The following CDIP1 variants were observed in gnomAD, a reference collection of about 807,000 sequenced individuals.
CDIP1 encodes cell death inducing p53 target 1.
A neutral mutation model predicts 17.7 loss-of-function variants in CDIP1; 9 were observed. The observed-to-expected ratio is 0.51, with a 90% CI of 0.31 to 0.89. The LOEUF is 0.89. CDIP1 is among the 40% of genes least tolerant of loss of function. The pLI is 0.05. For missense variants in CDIP1, 263 were observed against 277.9 expected, an observed-to-expected ratio of 0.95 and a Z score of 0.38; for synonymous variants, 117 against 109.5, an observed-to-expected ratio of 1.07 and a Z score of -0.43.
chr16:4,517,338 T>C (rs1024182092), intron 1 of CDIP1, among the ~76,000 whole-genome samples: 4 of 152,160 alleles, frequency 2.6e-5, no homozygotes, highest in Non-Finnish European at 5.9e-5. Context: ...ACAGAAGACA[T>C]GGAGGCCTAG....
chr16:4,513,740 A>T lies in CDIP1; in HGVS notation c.197T>A (p.Phe66Tyr). Residue 66 changes from phenylalanine to tyrosine, a missense_variant, in exon 4 of 6, where the codon TTC (phenylalanine) becomes TAC (tyrosine). Transcript: ENST00000567695. The surrounding 1 kb of genome is among the most constrained non-coding windows in gnomAD (Gnocchi z 4.1). Reference protein sequence around the residue: ...PPGHPMPQPGFIPPHMSADGT... With the variant: ...PPGHPMPQPGYIPPHMSADGT... ...ATCTGCACTCATGTGTGGTGGGATG[A>T]AGCCAGGCTGGGGCATTGGGTGACC... is the stretch of plus-strand genomic sequence containing the variant. 6.2e-7 allele frequency: 1 copy of T among 1,613,696 alleles called. No homozygotes were observed. Among genetic ancestry groups the T allele is most frequent in the Non-Finnish European group, 8.5e-7 (1 of 1,179,766 alleles).
intron 1 of CDIP1, among the ~76,000 whole-genome samples, chr16:4,528,683 CA>C (rs374609894): frequency 9.0e-4 from 46 of 50,962 alleles, no homozygotes; most frequent in Middle Eastern, 0.02. Context: ...AACCCTGTCT[CA>C]AAAAAAAAAA....
intron 1 of CDIP1, chr16:4,533,430 G>A (rs2059075543): frequency 6.6e-6 from 1 of 152,312 alleles, no homozygotes; most frequent in African/African-American, 2.4e-5. Flanking sequence ...CTTGGCTGCT[G>A]CTCTAGGCAG....
chr16:4,530,655 A>C lies in CDIP1; in HGVS notation c.-105+8047T>G, dbSNP rs531636636. On this transcript the variant is annotated intron_variant, in intron 1 of 5. Transcript: ENST00000567695. ...CAGAGTGAGACTCCATCTCAAAAAA[A>C]AAAAACAAAAACAAAAAAAACAGAA... Among the ~76,000 whole-genome samples the C allele has an allele frequency of 1.9e-3, 287 of 151,688 alleles. 1 individual carries two copies. Among genetic ancestry groups the C allele is most frequent in the African/African-American group, 5.4e-3 (223 of 41,422 alleles).
intron 1 of CDIP1, among the ~76,000 whole-genome samples, chr16:4,518,248 T>C (rs759359116): frequency 6.6e-6 from 1 of 152,270 alleles, no homozygotes; most frequent in Non-Finnish European, 1.5e-5. Context: ...TCAACAGATA[T>C]AATCCTATGA....
At chr16:4,525,007 G>A (rs1278045611) in intron 1 of CDIP1, among the ~76,000 whole-genome samples, 5 of 152,028 alleles carry the variant, frequency 3.3e-5, no homozygotes, top group Admixed American at 6.5e-5. Flanking sequence ...AGGCTGAGGC[G>A]GGAGGATTGT....
At chr16:4,520,212 A>G (rs1359259242) in intron 1 of CDIP1, among the ~76,000 whole-genome samples, 1 of 151,978 alleles carries the variant, frequency 6.6e-6, no homozygotes, top group Non-Finnish European at 1.5e-5. Context: ...CCCGGGTTCA[A>G]GCGATTCTCC....
rs982073272 is a variant in CDIP1 at position 4,513,064 on chromosome 16, C to T, written c.242G>A (p.Gly81Asp). The T allele has an allele frequency of 3.8e-6, 6 of 1,585,184 alleles. No homozygotes were observed. Among genetic ancestry groups the T allele is most frequent in the Non-Finnish European group, 5.1e-6 (6 of 1,169,898 alleles). ...GTGGGGGCCTGGAGGAGGGTAGAAACCTGGAATGGCACAGAAGATGGAGGC... is the reference window on the plus strand; with the variant it reads ...GTGGGGGCCTGGAGGAGGGTAGAAATCTGGAATGGCACAGAAGATGGAGGC... ...MSADGTYMPP[G>D]FYPPPGPHPP... is the part of the protein sequence containing the mutation. Residue 81 changes from glycine (G) to aspartate (D), a missense_variant and splice_region_variant, in exon 5 of 6, where the codon GGT (glycine) becomes GAT (aspartate). Coordinates refer to ENST00000567695, the MANE Select transcript of CDIP1 (RefSeq NM_013399.3). This position sits in a 1 kb window ranked among gnomAD's most constrained non-coding sequence, Gnocchi z 4.1.
chr16:4,524,879 G>A (rs2058983826), intron 1 of CDIP1, among the ~76,000 whole-genome samples: 1 of 152,182 alleles, frequency 6.6e-6, no homozygotes, highest in Admixed American at 6.5e-5. Flanking sequence ...AAGGTGGGAG[G>A]ACTGCTTAAA....
chr16:4,529,987 C>A (rs1483092390), intron 1 of CDIP1, among the ~76,000 whole-genome samples: 3 of 152,246 alleles, frequency 2.0e-5, no homozygotes, highest in African/African-American at 4.8e-5. Context: ...GAAAAGCAAA[C>A]CTCTAGGCTT....
In CDIP1 at chr16:4,527,965, C is replaced by A. The variant is rs552846090; in HGVS notation, c.-105+10737G>T. Among the ~76,000 whole-genome samples the A allele has an allele frequency of 3.9e-5, 6 of 152,238 alleles. 1 individual carries two copies. In the South Asian group the frequency reaches 1.2e-3, roughly 32 times the overall value. The stretch of plus-strand genomic sequence containing the variant: ...CTGAATAACAAGGATTACACGCACC[C>A]GCCACTAAGCCTGGCTAATTTTTGT... On this transcript the variant is annotated intron_variant, in intron 1 of 5. Coordinates refer to ENST00000567695, the MANE Select transcript of CDIP1 (RefSeq NM_013399.3).
intron 1 of CDIP1, among the ~76,000 whole-genome samples, chr16:4,529,174 A>G (rs1389696559): frequency 6.6e-6 from 1 of 152,148 alleles, no homozygotes; most frequent in Non-Finnish European, 1.5e-5. Context: ...TGGTCAAATG[A>G]GTCAGTTCTG....
In CDIP1 at chr16:4,513,127, G is replaced by C. The variant is rs2058850905; in HGVS notation, c.242-63C>G. 2 of 1,463,136 alleles carry C rather than the reference G, an allele frequency of 1.4e-6. No individual in the cohort carries two copies. Among genetic ancestry groups the C allele is most frequent in the Middle Eastern group, 5.0e-4 (2 of 4,012 alleles). 90.6% of individuals were successfully genotyped at this position (1,463,136 alleles called of 1,614,324 possible). On this transcript the variant is annotated intron_variant, in intron 4 of 5. Coordinates refer to ENST00000567695, the MANE Select transcript of CDIP1 (RefSeq NM_013399.3). The surrounding 1 kb of genome is among the most constrained non-coding windows in gnomAD (Gnocchi z 4.1). ...GCCTGCCACCTGCACCAGACAAAGAGATTGGCGCAAAGCCCCACGGTCCAC... is the reference window on the plus strand; with the variant it reads ...GCCTGCCACCTGCACCAGACAAAGACATTGGCGCAAAGCCCCACGGTCCAC...
At chr16:4,515,861 C>G (rs1219821369) in intron 1 of CDIP1, among the ~76,000 whole-genome samples, 1 of 152,156 alleles carries the variant, frequency 6.6e-6, no homozygotes, top group African/African-American at 2.4e-5. Flanking sequence ...TTTTGAGGAA[C>G]AGTCTGGCAG....
At chr16:4,534,321 C>A (rs1434023052) in intron 1 of CDIP1, among the ~76,000 whole-genome samples, 1 of 152,200 alleles carries the variant, frequency 6.6e-6, no homozygotes, top group African/African-American at 2.4e-5. Context: ...AGAGAGACTC[C>A]ACTGCGTCCT....
chr16:4,532,492 T>G (rs1171544302), intron 1 of CDIP1: 1 of 152,314 alleles, frequency 6.6e-6, no homozygotes, highest in African/African-American at 2.4e-5. Context: ...CACTCCGTGT[T>G]GGAGGATGGG....
chr16:4,515,823 T>C (rs2058881105), intron 1 of CDIP1, among the ~76,000 whole-genome samples: 2 of 152,130 alleles, frequency 1.3e-5, no homozygotes, highest in South Asian at 4.1e-4. Context: ...CTGCAAACCT[T>C]TTGAAGAACT....
At chr16:4,531,079 A>C (rs115503807) in intron 1 of CDIP1, among the ~76,000 whole-genome samples, 1,728 of 151,912 alleles carry the variant, frequency 0.011, 37 homozygotes, top group African/African-American at 0.04. Flanking sequence ...ACCAGGCTGG[A>C]GTGCAGTGGC....
At position 4,513,641 on chromosome 16, in the gene CDIP1, G is replaced by A. The variant is rs2058856710; in HGVS notation, c.241+55C>T. On this transcript the variant is annotated intron_variant, in intron 4 of 5. Transcript: ENST00000567695. The surrounding 1 kb of genome is among the most constrained non-coding windows in gnomAD (Gnocchi z 4.1). ...CCTGTACTGAGGACAGCCAGCGCAG[G>A]CCAGACAGCAGCCAGGAGTTCCCCA... The A allele has an allele frequency of 6.6e-7, 1 of 1,524,444 alleles. No individual in the cohort carries two copies. Among genetic ancestry groups the A allele is most frequent in the Non-Finnish European group, 9.0e-7 (1 of 1,108,550 alleles). 94.4% of individuals were successfully genotyped at this position (1,524,444 alleles called of 1,614,324 possible).
Sources: gnomAD v4.1 joint callset for allele counts (sites outside exome capture counted in the v4.1 genomes callset) on GRCh38, gnomAD v4.1.1 for gene constraint, Gnocchi (gnomAD v3.1) non-coding constraint, MANE v1.5 for transcripts, NCBI Gene and HGNC (gene_info 2026-07-23, HGNC 2026-07-21) for gene names.